IQCH: variants seen among roughly 807,000 people sequenced by gnomAD.
IQCH encodes the protein IQ motif containing H.
A neutral mutation model predicts 117.0 loss-of-function variants in IQCH; 98 were observed. The ratio of observed to expected loss-of-function variants is 0.84; its 90% CI spans 0.71 to 0.99. IQCH has a LOEUF of 0.99. IQCH is among the 50% of genes least tolerant of loss of function. IQCH has a pLI of 0.00. For missense variants in IQCH, 1,102 were observed against 1,243.8 expected, an observed-to-expected ratio of 0.89 and a Z score of 1.72; for synonymous variants, 412 against 448.2, an observed-to-expected ratio of 0.92 and a Z score of 1.02.
intron 10 of IQCH, among the ~76,000 whole-genome samples, chr15:67,377,730 G>A (rs779663827): frequency 3.3e-5 from 5 of 152,182 alleles, no homozygotes; most frequent in Non-Finnish European, 5.9e-5. Context: ...CCCCAGGGAT[G>A]AGTTTTCACT....
In IQCH at chr15:67,473,860, G is replaced by A. The variant is rs2083131783; in HGVS notation, c.2677-1836G>A. On this transcript the variant is annotated intron_variant, in intron 17 of 20. Coordinates refer to ENST00000335894, the MANE Select transcript of IQCH (RefSeq NM_001031715.3). The surrounding 1 kb of genome is among the most constrained non-coding windows in gnomAD (Gnocchi z 4.9). ...TGGCTACAAATGGGACGCTACAAGT[G>A]GGGTAAACAACTCAAGATGTATTAG... Among the ~76,000 whole-genome samples the A allele has an allele frequency of 6.6e-6, 1 of 151,774 alleles. No individual in the cohort carries two copies. Among genetic ancestry groups the A allele is most frequent in the African/African-American group, 2.4e-5 (1 of 41,074 alleles).
intron 16 of IQCH, among the ~76,000 whole-genome samples, chr15:67,449,948 G>A (rs2082480107): frequency 6.6e-6 from 1 of 152,122 alleles, no homozygotes; most frequent in African/African-American, 2.4e-5. Context: ...CACATCCCTT[G>A]TAAGTTGGAT....
chr15:67,296,906 C>G (rs1440517542), intron 4 of IQCH, among the ~76,000 whole-genome samples: 1 of 152,168 alleles, frequency 6.6e-6, no homozygotes, highest in Non-Finnish European at 1.5e-5. Flanking sequence ...CTCACCTGTT[C>G]TGGTGCTTGG....
rs1297474723 is a variant in IQCH, at chr15:67,406,160, A to G, written c.2097+5855A>G. 1 of 152,220 alleles carries G rather than the reference A, an allele frequency of 6.6e-6. No homozygotes were observed. Among genetic ancestry groups the G allele is most frequent in the Non-Finnish European group, 1.5e-5 (1 of 68,044 alleles). 9.4% of individuals were successfully genotyped at this position (152,220 alleles called of 1,614,324 possible). On this transcript the variant is annotated intron_variant, in intron 14 of 20. Transcript: ENST00000335894. This position sits in a 1 kb window ranked among gnomAD's most constrained non-coding sequence, Gnocchi z 4.5. ...CGTGATCATTTTAGTGAGCCTGTAAATTCCCAAAAAGCTTTGAGTAGCCCA... is the reference window on the plus strand; with the variant it reads ...CGTGATCATTTTAGTGAGCCTGTAAGTTCCCAAAAAGCTTTGAGTAGCCCA...
rs572157297 is a variant in IQCH at position 67,328,548 on chromosome 15, C to T, written c.388-8427C>T. Among the ~76,000 whole-genome samples, 132 of 152,180 alleles carry T rather than the reference C, an allele frequency of 8.7e-4. 2 individuals are homozygous for T. The highest frequency in any genetic ancestry group is 1.0e-3 in the Non-Finnish European group (71 of 68,006). ...AGAAGTGATTTCCTACAGGAGATTACGTTTTAGCTAGTTGTTAAAGGGTGA... is the reference window on the plus strand; with the variant it reads ...AGAAGTGATTTCCTACAGGAGATTATGTTTTAGCTAGTTGTTAAAGGGTGA... On this transcript the variant is annotated intron_variant, in intron 4 of 20. Transcript: ENST00000335894.
At chr15:67,410,408 G>T (rs1178296583) in intron 14 of IQCH, among the ~76,000 whole-genome samples, 1 of 152,190 alleles carries the variant, frequency 6.6e-6, no homozygotes, top group Non-Finnish European at 1.5e-5. Context: ...TCTAAGGCTG[G>T]CCATCCTTAC....
Position 67,395,496 on chromosome 15 carries a change from A to G in IQCH, c.1838A>G (p.Lys613Arg). 1.2e-6 allele frequency: 2 copies of G among 1,614,062 alleles called. No individual in the cohort carries two copies. The highest frequency in any genetic ancestry group is 2.2e-5 in the East Asian group (1 of 44,862). ...AHLYSTKSGGKRVFDSANVAV... is the reference protein window; with the variant it reads ...AHLYSTKSGGRRVFDSANVAV... Reference sequence around the variant, plus strand: ...CTTTATAGTACCAAATCTGGAGGCAAACGTGTCTTTGACAGTGCCAATGTG... The same window carrying G: ...CTTTATAGTACCAAATCTGGAGGCAGACGTGTCTTTGACAGTGCCAATGTG... The change falls in exon 13 of 21, where the codon AAA becomes AGA. Residue 613 changes from lysine to arginine, a missense_variant. Physicochemically the swap from Lys to Arg is conservative, Grantham distance 26. This residue lies in a region of IQCH where 650 missense variants were observed against 794.3 expected (regional missense o/e 0.82). Transcript: ENST00000335894. The surrounding 1 kb of genome is among the most constrained non-coding windows in gnomAD (Gnocchi z 4.0).
At position 67,445,916 on chromosome 15, in the gene IQCH, T is replaced by C. The variant is rs1352113606; in HGVS notation, c.2506-19211T>C. Among the ~76,000 whole-genome samples the C allele has an allele frequency of 1.3e-5, 2 of 152,246 alleles. No individual in the cohort carries two copies. Among genetic ancestry groups the C allele is most frequent in the African/African-American group, 4.8e-5 (2 of 41,466 alleles). ...TATAAAGAAGAACATGGAGTTTCCC[T>C]ATCATTGGCAGTTACCACCAAGGAG... On this transcript the variant is annotated intron_variant, in intron 16 of 20. Coordinates refer to ENST00000335894, the MANE Select transcript of IQCH (RefSeq NM_001031715.3). This position sits in a 1 kb window ranked among gnomAD's most constrained non-coding sequence, Gnocchi z 4.3.
chr15:67,448,474 G>GT (rs1372836801), intron 16 of IQCH, among the ~76,000 whole-genome samples: 4 of 148,552 alleles, frequency 2.7e-5, no homozygotes, highest in African/African-American at 1.0e-4. Flanking sequence ...AACATGCAGT[G>GT]TTTGGTTTTT....
intron 4 of IQCH, among the ~76,000 whole-genome samples, chr15:67,327,893 C>T (rs182255473): frequency 1.4e-4 from 21 of 152,250 alleles, no homozygotes; most frequent in Admixed American, 6.5e-5. Context: ...TCTATTATTT[C>T]CCCCTATTTT....
intron 1 of IQCH, among the ~76,000 whole-genome samples, chr15:67,258,126 G>A (rs1965300762): frequency 6.6e-6 from 1 of 151,936 alleles, no homozygotes; most frequent in African/African-American, 2.4e-5. Context: ...AGCTACTTGG[G>A]AGGCTGAGGC....
intron 16 of IQCH, among the ~76,000 whole-genome samples, chr15:67,437,397 A>C (rs1467756074): frequency 6.6e-6 from 1 of 152,192 alleles, no homozygotes; most frequent in Non-Finnish European, 1.5e-5. Context: ...GGACAAAAGA[A>C]TCTGAACAAC....
intron 20 of IQCH, among the ~76,000 whole-genome samples, chr15:67,497,554 T>C (rs1421186113): frequency 2.0e-5 from 3 of 152,232 alleles, no homozygotes; most frequent in East Asian, 3.9e-4. Context: ...AGTGCATTGA[T>C]GCAATCTCGG....
At chr15:67,394,945 T>C (rs1971411546) in intron 12 of IQCH, among the ~76,000 whole-genome samples, 1 of 152,214 alleles carries the variant, frequency 6.6e-6, no homozygotes, top group South Asian at 2.1e-4. Flanking sequence ...CCAGACACTT[T>C]AATGTTAAAC....
intron 4 of IQCH, among the ~76,000 whole-genome samples, chr15:67,286,641 G>A (rs1007394684): frequency 6.6e-6 from 1 of 150,518 alleles, no homozygotes; most frequent in Non-Finnish European, 1.5e-5. Context: ...GTAGAGTCTC[G>A]TTCTGTCGCC....
chr15:67,494,070 G>A lies in IQCH; in HGVS notation c.2862-188G>A, dbSNP rs556873039. 1.7e-3 allele frequency among the ~76,000 whole-genome samples: 261 copies of A among 152,210 alleles called. 1 individual carries two copies. Among genetic ancestry groups the A allele is most frequent in the East Asian group, 2.5e-3 (13 of 5,192 alleles). On this transcript the variant is annotated intron_variant, in intron 19 of 20. Coordinates refer to ENST00000335894, the MANE Select transcript of IQCH (RefSeq NM_001031715.3). This position sits in a 1 kb window ranked among gnomAD's most constrained non-coding sequence, Gnocchi z 5.5. ...TTGATTAATAAAAAATATTTATTAC[G>A]CAAATCCTTTTTGTTGACAAGTTAA...
rs909356764 is a variant in IQCH, at chr15:67,359,886, G to A, written c.753+1G>A. 3.7e-6 allele frequency: 6 copies of A among 1,612,296 alleles called. No individual in the cohort carries two copies. Among genetic ancestry groups the A allele is most frequent in the Non-Finnish European group, 5.1e-6 (6 of 1,178,408 alleles). ...GTCAAGAGGACATCATGATAGGAAG[G>A]TCTGTAATTTGTGTGACTAGTTGAA... is the stretch of plus-strand genomic sequence containing the variant. On this transcript the variant is annotated splice_donor_variant, in intron 8 of 20. Coordinates refer to ENST00000335894, the MANE Select transcript of IQCH (RefSeq NM_001031715.3). LOFTEE classifies it high-confidence loss of function. The surrounding 1 kb of genome is among the most constrained non-coding windows in gnomAD (Gnocchi z 4.5).
chr15:67,270,356 T>TTGTC (rs1965849451), intron 3 of IQCH, among the ~76,000 whole-genome samples: 1 of 152,250 alleles, frequency 6.6e-6, no homozygotes, highest in South Asian at 2.1e-4. Context: ...GGCTATGGGT[T>TTGTC]TGTCATATAT....
At chr15:67,292,705 C>T (rs961779094) in intron 4 of IQCH, among the ~76,000 whole-genome samples, 4 of 152,166 alleles carry the variant, frequency 2.6e-5, no homozygotes, top group Admixed American at 6.5e-5. Context: ...AACCTAATGA[C>T]ATTTCACCCC....
Sources: allele counts gnomAD v4.1 joint callset (sites outside exome capture counted in the v4.1 genomes callset), GRCh38; gene constraint gnomAD v4.1.1; regional missense constraint gnomAD v4.1.1; non-coding constraint Gnocchi (gnomAD v3.1); transcripts MANE v1.5; gene names NCBI Gene and HGNC (gene_info 2026-07-23, HGNC 2026-07-21).